The following PCLAF variants were observed in gnomAD, a reference collection of about 807,000 sequenced individuals.
The protein encoded by PCLAF is PCNA clamp associated factor.
Under a neutral mutation model 15.1 loss-of-function variants are expected in PCLAF, and 12 were observed. The observed-to-expected ratio is 0.79, with a 90% CI of 0.51 to 1.29. The LOEUF is 1.29. Ranked by LOEUF, PCLAF falls within the 50% of genes most tolerant of loss-of-function variation. The pLI is 0.00. For missense variants in PCLAF, 116 were observed against 130.9 expected (o/e 0.89, Z 0.56); for synonymous variants, 33 against 47.1 (o/e 0.70, Z 1.22).
rs149200559 is a variant in PCLAF, at chr15:64,371,511, C to T, written c.290+5232G>A. Among the ~76,000 whole-genome samples the T allele has an allele frequency of 2.4e-3, 366 of 152,290 alleles. 1 individual carries two copies. Among genetic ancestry groups the T allele is most frequent in the African/African-American group, 8.6e-3 (356 of 41,558 alleles). ...AAACTCCTGACCTCAGGTGATCCGC[C>T]GGCCTAGGCCTCCCAAAGTACTGGG... On this transcript the variant is annotated intron_variant, in intron 3 of 3. Coordinates refer to ENST00000300035, the MANE Select transcript of PCLAF (RefSeq NM_014736.6).
chr15:64,381,006 C>A lies in PCLAF; in HGVS notation c.79G>T (p.Gly27Cys), dbSNP rs567110586. ...VAARAPRKVLGSSTSATNSTS... is the reference protein window; with the variant it reads ...VAARAPRKVLCSSTSATNSTS... ...GAATTAGTGGCAGAGGTGGAAGAAC[C>A]AAGCACCTTTCTGGGGGCTCGAGCA... The change falls in exon 2 of 4, where the codon GGT (glycine) becomes TGT (cysteine). Residue 27 changes from glycine (G) to cysteine (C), a missense_variant. Coordinates refer to ENST00000300035, the MANE Select transcript of PCLAF (RefSeq NM_014736.6). 1.2e-6 allele frequency: 2 copies of A among 1,613,998 alleles called. No homozygotes were observed. The highest frequency in any genetic ancestry group is 1.7e-5 in the Admixed American group (1 of 59,986).
At chr15:64,381,182 A>C in intron 1 of PCLAF, 144 bp from the exon 2 acceptor site, 2 of 1,202,914 alleles carry the variant, frequency 1.7e-6, no homozygotes, top group Non-Finnish European at 2.4e-6. Flanking sequence ...TTCCTCTTCT[A>C]GGTAAAGGGG....
At chr15:64,381,062 T>G (rs758674691) in intron 1 of PCLAF, 24 bp from the exon 2 acceptor site, 1 of 1,611,362 alleles carries the variant, frequency 6.2e-7, no homozygotes, top group South Asian at 1.1e-5. Context: ...CAAAAAAGGG[T>G]GTTCAGAAGG....
At chr15:64,376,550 G>C (rs1899607514) in intron 3 of PCLAF, among the ~76,000 whole-genome samples, 193 bp downstream of exon 3, 1 of 152,162 alleles carries the variant, frequency 6.6e-6, no homozygotes, top group South Asian at 2.1e-4. Context: ...CTCCCAAATA[G>C]CTAGGACAAC....
exon 1 of PCLAF, chr15:64,387,531 T>G: frequency 7.6e-7 from 1 of 1,311,000 alleles, no homozygotes; most frequent in Non-Finnish European, 9.8e-7. Context: ...TTTCCGGGTA[T>G]TGGTTTGTTT....
rs1899010357 is a variant in PCLAF at position 64,365,915 on chromosome 15, TTTAA to T, written c.*111_*114del. The T allele has an allele frequency of 2.4e-6, 2 of 848,604 alleles. No individual in the cohort carries two copies. Among genetic ancestry groups the T allele is most frequent in the Non-Finnish European group, 3.7e-6 (2 of 534,822 alleles). 52.6% of individuals were successfully genotyped at this position (848,604 alleles called of 1,614,324 possible). ...AACATCTAAATTTAAACCTAAATTT[TTTAA>T]TTAAATGCCTGTTCAACAAAGCTAA... is the stretch of plus-strand genomic sequence containing the variant. On this transcript the variant is annotated 3_prime_UTR_variant, in exon 4 of 4. Transcript: ENST00000300035.
chr15:64,380,540 C>CA lies in PCLAF; in HGVS notation c.127+417dup, dbSNP rs1169597055. Among the ~76,000 whole-genome samples, 5 of 151,662 alleles carry CA rather than the reference C, an allele frequency of 3.3e-5. No individual in the cohort carries two copies. In the East Asian group the frequency reaches 7.8e-4, roughly 24 times the overall value. ...CAACATAGTGAGACCCCCATCTCTA[C>CA]AAAAAATAGAAAAAAAAGCCCGGCG... On this transcript the variant is annotated intron_variant, in intron 2 of 3. Coordinates refer to ENST00000300035, the MANE Select transcript of PCLAF (RefSeq NM_014736.6).
intron 2 of PCLAF, among the ~76,000 whole-genome samples, chr15:64,378,638 C>T (rs953179970): frequency 6.6e-6 from 1 of 152,094 alleles, no homozygotes; most frequent in Non-Finnish European, 1.5e-5. Context: ...AGCAGCTGGG[C>T]GCAGTGGCTC....
chr15:64,365,896 T>C lies in PCLAF; in HGVS notation c.*134A>G. 2.7e-6 allele frequency: 2 copies of C among 729,378 alleles called. No homozygotes were observed. Among genetic ancestry groups the C allele is most frequent in the Non-Finnish European group, 4.6e-6 (2 of 437,150 alleles). 45.2% of individuals were successfully genotyped at this position (729,378 alleles called of 1,614,324 possible). A position where few individuals can be genotyped will look rare whatever the true frequency, so the allele number is the denominator to read the frequency against. ...AATTTCACAACTACTTTTGAACATCTAAATTTAAACCTAAATTTTTTAATT... is the reference window on the plus strand; with the variant it reads ...AATTTCACAACTACTTTTGAACATCCAAATTTAAACCTAAATTTTTTAATT... On this transcript the variant is annotated 3_prime_UTR_variant, in exon 4 of 4. Coordinates refer to ENST00000300035, the MANE Select transcript of PCLAF (RefSeq NM_014736.6).
intron 2 of PCLAF, among the ~76,000 whole-genome samples, chr15:64,377,915 C>A (rs1288862373): frequency 1.3e-5 from 2 of 150,912 alleles, no homozygotes; most frequent in East Asian, 2.0e-4. Flanking sequence ...CCACGCCCAG[C>A]TAATTTTTGT....
intron 2 of PCLAF, among the ~76,000 whole-genome samples, chr15:64,378,785 C>T (rs887689445): frequency 1.3e-5 from 2 of 152,054 alleles, no homozygotes; most frequent in African/African-American, 4.8e-5. Context: ...GTGGCGCATG[C>T]CTGTAATCCC....
At position 64,377,470 on chromosome 15, in the gene PCLAF, C is replaced by CAAAAA. The variant is rs771209859; in HGVS notation, c.128-570_128-566dup. Among the ~76,000 whole-genome samples, 4 of 908 alleles carry CAAAAA rather than the reference C, an allele frequency of 4.4e-3. 1 individual carries two copies. Among genetic ancestry groups the CAAAAA allele is most frequent in the African/African-American group, 8.7e-3 (4 of 460 alleles). 0.6% of individuals were successfully genotyped at this position (908 alleles called of 152,430 possible). ...CTGGCAACAGAGCGAGACTCTGTCT[C>CAAAAA]AAAAAAAAAAAAAAAAAAATATATA... On this transcript the variant is annotated intron_variant, in intron 2 of 3. Transcript: ENST00000300035.
chr15:64,371,232 T>G (rs969760212), intron 3 of PCLAF, among the ~76,000 whole-genome samples: 1 of 151,774 alleles, frequency 6.6e-6, no homozygotes, highest in African/African-American at 2.4e-5. Context: ...CCTCCCAAAG[T>G]GCTGGGATTA....
chr15:64,384,432 C>T (rs116142073), upstream of PCLAF, among the ~76,000 whole-genome samples: 2 of 151,708 alleles, frequency 1.3e-5, no homozygotes, highest in Non-Finnish European at 2.9e-5. Context: ...CTGCAACTGG[C>T]CTGCCTACAT....
At chr15:64,371,633 T>C (rs1326707867) in intron 3 of PCLAF, among the ~76,000 whole-genome samples, 7 of 152,086 alleles carry the variant, frequency 4.6e-5, no homozygotes, top group African/African-American at 1.7e-4. Flanking sequence ...AGACAGAGTC[T>C]CGCTCTGTCA....
intron 2 of PCLAF, among the ~76,000 whole-genome samples, chr15:64,378,665 C>T (rs1899714972): frequency 6.6e-6 from 1 of 152,178 alleles, no homozygotes. Flanking sequence ...GTAATCCCAG[C>T]ACTTTGTGAG....
In PCLAF at chr15:64,381,051, G is replaced by A. The variant is rs138161344; in HGVS notation, c.47-13C>T. On this transcript the variant is annotated splice_polypyrimidine_tract_variant and intron_variant, in intron 1 of 3. Transcript: ENST00000300035. ...CGAGCAGCCACCACTGTGAAGAGAGGCAAAAAAGGGTGTTCAGAAGGGGCA... is the reference window on the plus strand; with the variant it reads ...CGAGCAGCCACCACTGTGAAGAGAGACAAAAAAGGGTGTTCAGAAGGGGCA... 3.0e-4 allele frequency: 489 copies of A among 1,611,030 alleles called. 1 individual carries two copies. In the African/African-American group the frequency reaches 6.0e-3, roughly 20 times the overall value.
At chr15:64,368,689 G>A (rs1291764101) in intron 3 of PCLAF, among the ~76,000 whole-genome samples, 4 of 151,966 alleles carry the variant, frequency 2.6e-5, no homozygotes, top group Non-Finnish European at 5.9e-5. Flanking sequence ...GCAAATCTAA[G>A]AACAGGACCT....
At chr15:64,374,101 T>C (rs1566965697) in intron 3 of PCLAF, among the ~76,000 whole-genome samples, 1 of 152,240 alleles carries the variant, frequency 6.6e-6, no homozygotes, top group Non-Finnish European at 1.5e-5. Context: ...ATAAGTATTA[T>C]TGATATTTGG....
Sources: allele counts gnomAD v4.1 joint callset (sites outside exome capture counted in the v4.1 genomes callset), GRCh38; gene constraint gnomAD v4.1.1; transcripts MANE v1.5; gene names NCBI Gene and HGNC (gene_info 2026-07-23, HGNC 2026-07-21).